Variants in CDH11 observed in about 807,000 individuals in gnomAD.
CDH11 encodes the protein cadherin 11, also known as cadherin-11.
CDH11 carries 11 observed loss-of-function variants against 67.8 expected under a neutral mutation model. That is an observed-to-expected ratio of 0.16 (90% CI 0.10 to 0.27). The LOEUF (loss-of-function observed/expected upper bound fraction) is 0.27, where lower values mean the gene tolerates loss of function less well. Ranked by LOEUF, CDH11 falls within the 10% of genes least tolerant of loss-of-function variation. The pLI is 1.00. For missense variants in CDH11, 847 were observed against 1,031.2 expected (o/e 0.82, Z 2.45); for synonymous variants, 419 against 400.0 (o/e 1.05, Z -0.57).
In CDH11 at chr16:65,003,965, G is replaced by A. The variant is rs1033974348; in HGVS notation, c.228+677C>T. Among the ~76,000 whole-genome samples, 17 of 152,298 alleles carry A rather than the reference G, an allele frequency of 1.1e-4. No homozygotes were observed. The South Asian group carries it at 1.2e-3, about 11-fold the overall frequency. On this transcript the variant is annotated intron_variant, in intron 3 of 12. Transcript: ENST00000268603. The stretch of plus-strand genomic sequence containing the variant: ...AGCTATGATAAAGGGTCCAAAGGAG[G>A]AGCATTCAAGTTGGGATTAGGGTGT...
chr16:64,969,105 A>C (rs2071928275), intron 11 of CDH11, among the ~76,000 whole-genome samples: 1 of 152,176 alleles, frequency 6.6e-6, no homozygotes, highest in Admixed American at 6.5e-5. Flanking sequence ...ATTGTTCAGT[A>C]AATTGGCTCA....
intron 2 of CDH11, among the ~76,000 whole-genome samples, chr16:65,034,050 C>T (rs997970800): frequency 6.6e-6 from 1 of 152,102 alleles, no homozygotes; most frequent in African/African-American, 2.4e-5. Flanking sequence ...ATGTTGAAGC[C>T]CTAACCGCTA....
At chr16:65,053,730 G>C (rs1007826675) in intron 2 of CDH11, 74 bp downstream of exon 2, 3 of 442,864 alleles carry the variant, frequency 6.8e-6, no homozygotes, top group African/African-American at 6.0e-5. Flanking sequence ...TTGAGACACA[G>C]ACCCAGTGGC....
chr16:65,030,370 C>T (rs1003607626), intron 2 of CDH11, among the ~76,000 whole-genome samples: 5 of 152,198 alleles, frequency 3.3e-5, no homozygotes, highest in Non-Finnish European at 7.3e-5. Context: ...TCTGGCAACT[C>T]TACTTGAAAT....
In CDH11 at chr16:64,998,746, G is replaced by A. The variant is rs1304692255; in HGVS notation, c.339C>T (p.Thr113=). Residue 113 remains threonine, a synonymous_variant, in exon 4 of 13, where the codon ACC becomes ACT. Coordinates refer to ENST00000268603, the MANE Select transcript of CDH11 (RefSeq NM_001797.4). ...CTCTCTCTTCTCGATCCAACGTCTT[G>A]GTGGCATGAATGTTCCCTGATTTGT... The part of the protein sequence containing the change: ...IDDKSGNIHA[T]KTLDREERAQ... 6.2e-7 allele frequency: 1 copy of A among 1,614,106 alleles called. No individual in the cohort carries two copies. The highest frequency in any genetic ancestry group is 8.5e-7 in the Non-Finnish European group (1 of 1,180,028).
intron 4 of CDH11, among the ~76,000 whole-genome samples, chr16:64,993,844 T>G (rs545783873): frequency 6.6e-6 from 1 of 152,264 alleles, no homozygotes; most frequent in Admixed American, 6.5e-5. Context: ...AAACCAGTAA[T>G]TATCGAATTT....
At chr16:64,957,790 A>T (rs2071559312) in intron 11 of CDH11, among the ~76,000 whole-genome samples, 1 of 152,172 alleles carries the variant, frequency 6.6e-6, no homozygotes, top group Non-Finnish European at 1.5e-5. Flanking sequence ...TCATTTGAGC[A>T]TTTAGTTATT....
At chr16:65,104,069 T>A (rs1402956097) in intron 1 of CDH11, among the ~76,000 whole-genome samples, 1 of 152,150 alleles carries the variant, frequency 6.6e-6, no homozygotes, top group Non-Finnish European at 1.5e-5. Flanking sequence ...ATTACAATTA[T>A]AAACATATAA....
At chr16:65,028,096 C>T (rs557209017) in intron 2 of CDH11, among the ~76,000 whole-genome samples, 24 of 152,160 alleles carry the variant, frequency 1.6e-4, no homozygotes, top group African/African-American at 2.7e-4. Flanking sequence ...AAGGAAGAAA[C>T]GGAAAGAAGA....
intron 11 of CDH11, among the ~76,000 whole-genome samples, chr16:64,957,630 A>ACACC (rs771567926): frequency 7.0e-6 from 1 of 143,038 alleles, no homozygotes; most frequent in South Asian, 2.3e-4. Flanking sequence ...ACACACACAC[A>ACACC]CACCCATCCA....
chr16:65,011,068 A>G (rs1445976182), intron 2 of CDH11, among the ~76,000 whole-genome samples: 3 of 123,690 alleles, frequency 2.4e-5, no homozygotes, highest in Non-Finnish European at 5.1e-5. Flanking sequence ...TATCATGTGT[A>G]TATATGTATA....
In CDH11 at chr16:65,005,026, C is replaced by T. The variant is rs575603172; in HGVS notation, c.-157G>A. The T allele has an allele frequency of 2.8e-5, 38 of 1,352,470 alleles. No homozygotes were observed. Among genetic ancestry groups the T allele is most frequent in the African/African-American group, 1.4e-4 (9 of 66,476 alleles). 83.8% of individuals were successfully genotyped at this position (1,352,470 alleles called of 1,614,324 possible). On this transcript the variant is annotated 5_prime_UTR_variant, in exon 3 of 13. In the 5' UTR this introduces an upstream ATG that the reference lacks. Coordinates refer to ENST00000268603, the MANE Select transcript of CDH11 (RefSeq NM_001797.4). ...GAGCTCATCACGTCAGGGCTGCCCA[C>T]GTCCCCAGTTAGCTTCTGCAAGCAG...
intron 11 of CDH11, among the ~76,000 whole-genome samples, chr16:64,968,804 G>A (rs915196719): frequency 6.6e-6 from 1 of 152,084 alleles, no homozygotes; most frequent in Non-Finnish European, 1.5e-5. Flanking sequence ...AGTCTCAGCC[G>A]AGAAATTTGG....
At chr16:65,009,439 A>G (rs2073130880) in intron 2 of CDH11, among the ~76,000 whole-genome samples, 1 of 152,156 alleles carries the variant, frequency 6.6e-6, no homozygotes, top group Admixed American at 6.5e-5. Flanking sequence ...TGTGTAGGTT[A>G]CAAAAGTGTA....
Position 64,988,303 on chromosome 16 carries a change from C to T in CDH11, c.853G>A (p.Glu285Lys), listed in dbSNP as rs766419539. The T allele has an allele frequency of 2.5e-6, 4 of 1,613,350 alleles. No individual in the cohort carries two copies. Among genetic ancestry groups the T allele is most frequent in the African/African-American group, 1.3e-5 (1 of 74,888 alleles). Reference protein sequence around the residue: ...MSVSEAAVPGEEVGRVKAKDP... With the variant: ...MSVSEAAVPGKEVGRVKAKDP... ...TTAGCTTTCACTCTTCCTACTTCCT[C>T]CCCAGGGACGGCTGCTTCTGACACA... is the stretch of plus-strand genomic sequence containing the variant. Residue 285 changes from glutamate (E) to lysine (K), a missense_variant, in exon 7 of 13, where the codon GAG becomes AAG. Physicochemically the swap from Glu to Lys is moderately conservative, Grantham distance 56 (BLOSUM62 1). Coordinates refer to ENST00000268603, the MANE Select transcript of CDH11 (RefSeq NM_001797.4).
intron 2 of CDH11, among the ~76,000 whole-genome samples, chr16:65,015,037 T>C (rs1237503243): frequency 2.7e-5 from 4 of 147,564 alleles, no homozygotes; most frequent in African/African-American, 9.9e-5. Flanking sequence ...ATTATTATTA[T>C]TATTATTATT....
At chr16:65,020,728 T>G (rs951026047) in intron 2 of CDH11, among the ~76,000 whole-genome samples, 1 of 152,254 alleles carries the variant, frequency 6.6e-6, no homozygotes, top group African/African-American at 2.4e-5. Context: ...AAGTATTTGA[T>G]TTAACTGCTT....
intron 1 of CDH11, among the ~76,000 whole-genome samples, chr16:65,100,049 A>G (rs2039750431): frequency 6.6e-6 from 1 of 152,206 alleles, no homozygotes; most frequent in African/African-American, 2.4e-5. Flanking sequence ...GACATTATGA[A>G]AGAAATATCA....
intron 2 of CDH11, among the ~76,000 whole-genome samples, chr16:65,020,979 C>T (rs891494520): frequency 7.0e-4 from 107 of 151,816 alleles, no homozygotes; most frequent in African/African-American, 2.5e-3. Context: ...TCAAGAATTC[C>T]ATTTTTTTTT....
Sources: gnomAD v4.1 joint callset for allele counts (sites outside exome capture counted in the v4.1 genomes callset) on GRCh38, gnomAD v4.1.1 for gene constraint, MANE v1.5 for transcripts, NCBI Gene and HGNC (gene_info 2026-07-23, HGNC 2026-07-21) for gene names.